The following SKAP1 variants were observed in gnomAD, a reference collection of about 807,000 sequenced individuals.
SKAP1 encodes the protein src kinase associated phosphoprotein 1.
SKAP1 carries 44 observed loss-of-function variants against 58.5 expected under a neutral mutation model. That is an observed-to-expected ratio of 0.75 (90% CI 0.59 to 0.97). The LOEUF (loss-of-function observed/expected upper bound fraction) is 0.97, where lower values mean the gene tolerates loss of function less well. SKAP1 is among the 50% of genes least tolerant of loss of function. The pLI is 0.00. For synonymous variants in SKAP1, 127 were observed against 149.7 expected (o/e 0.85, Z 1.11); for missense variants, 390 against 435.2 (o/e 0.90, Z 0.92).
chr17:48,353,204 G>A (rs983154990), intron 3 of SKAP1, among the ~76,000 whole-genome samples: 3 of 152,036 alleles, frequency 2.0e-5, no homozygotes, highest in African/African-American at 4.8e-5. Flanking sequence ...GCAAAATTTA[G>A]AACAGCCACC....
At chr17:48,232,767 A>G (rs767574827) in intron 4 of SKAP1, among the ~76,000 whole-genome samples, 1 of 152,180 alleles carries the variant, frequency 6.6e-6, no homozygotes, top group South Asian at 2.1e-4. Context: ...GGCTGGCTCA[A>G]TACTGCTGAT....
At chr17:48,268,774 G>A (rs535959792) in intron 4 of SKAP1, among the ~76,000 whole-genome samples, 16 of 152,148 alleles carry the variant, frequency 1.1e-4, no homozygotes, top group Non-Finnish European at 1.9e-4. Flanking sequence ...TCGCAGGTGT[G>A]AGCCACTGTG....
intron 9 of SKAP1, among the ~76,000 whole-genome samples, chr17:48,172,344 T>C (rs2064228704): frequency 6.6e-6 from 1 of 152,178 alleles, no homozygotes; most frequent in African/African-American, 2.4e-5. Flanking sequence ...GTTTATACGG[T>C]CAAAGTCATA....
chr17:48,304,119 TA>T (rs1350364734), intron 4 of SKAP1, among the ~76,000 whole-genome samples: 1 of 152,234 alleles, frequency 6.6e-6, no homozygotes, highest in Non-Finnish European at 1.5e-5. Flanking sequence ...ACATCTAATG[TA>T]ATACCAAAGT....
chr17:48,375,195 T>TG (rs1240949162), intron 2 of SKAP1, among the ~76,000 whole-genome samples: 1 of 152,172 alleles, frequency 6.6e-6, no homozygotes, highest in African/African-American at 2.4e-5. Context: ...CTTGAGTCTA[T>TG]ATTTACAAGC....
chr17:48,358,540 G>A (rs2066903064), intron 3 of SKAP1, among the ~76,000 whole-genome samples: 1 of 152,078 alleles, frequency 6.6e-6, no homozygotes, highest in Non-Finnish European at 1.5e-5. Context: ...AGCCTCTGAA[G>A]TGGCTACCAC....
At chr17:48,252,855 T>C (rs967707416) in intron 4 of SKAP1, among the ~76,000 whole-genome samples, 1 of 152,138 alleles carries the variant, frequency 6.6e-6, no homozygotes, top group Admixed American at 6.5e-5. Flanking sequence ...TTTTCCTAAT[T>C]GCATCAGCTT....
intron 11 of SKAP1, among the ~76,000 whole-genome samples, chr17:48,156,119 G>A (rs1468469831): frequency 6.6e-6 from 1 of 152,210 alleles, no homozygotes; most frequent in Admixed American, 6.5e-5. Context: ...GGACTGAGCA[G>A]CAGCCGGCGT....
intron 4 of SKAP1, among the ~76,000 whole-genome samples, chr17:48,333,968 C>T (rs1482449723): frequency 1.3e-5 from 2 of 151,936 alleles, no homozygotes; most frequent in Non-Finnish European, 2.9e-5. Flanking sequence ...AGCATTTGCA[C>T]ACACAGAGCT....
At chr17:48,134,996 C>A (rs1321561891) in intron 12 of SKAP1, among the ~76,000 whole-genome samples, 1 of 152,198 alleles carries the variant, frequency 6.6e-6, no homozygotes, top group Non-Finnish European at 1.5e-5. Flanking sequence ...AGCCACCATG[C>A]CCGGCTGGCT....
Position 48,367,871 on chromosome 17 carries a change from C to T in SKAP1, c.153-4057G>A, listed in dbSNP as rs182232477. Reference sequence around the variant, plus strand: ...TTGAGGTTGCAGTAAGCTGTGATCACGCCACTGGACTCCAGCTTGGGTAAC... The same window carrying T: ...TTGAGGTTGCAGTAAGCTGTGATCATGCCACTGGACTCCAGCTTGGGTAAC... On this transcript the variant is annotated intron_variant, in intron 2 of 12. Transcript: ENST00000336915. Among the ~76,000 whole-genome samples the T allele has an allele frequency of 5.3e-5, 8 of 149,718 alleles. No homozygotes were observed. The South Asian group carries it at 8.4e-4, about 16-fold the overall frequency.
At chr17:48,423,821 A>G (rs1016185891) in intron 1 of SKAP1, among the ~76,000 whole-genome samples, 8 of 152,112 alleles carry the variant, frequency 5.3e-5, no homozygotes, top group African/African-American at 1.4e-4. Context: ...CAGTGGTGCA[A>G]TCTCACCTCA....
chr17:48,402,333 A>ATTTT (rs71366872), intron 1 of SKAP1, among the ~76,000 whole-genome samples: 2 of 146,928 alleles, frequency 1.4e-5, no homozygotes, highest in African/African-American at 2.5e-5. Flanking sequence ...TCATAGCAGC[A>ATTTT]TTTTTTTTTT....
At chr17:48,378,788 C>A (rs770356519) in intron 2 of SKAP1, among the ~76,000 whole-genome samples, 4 of 152,122 alleles carry the variant, frequency 2.6e-5, no homozygotes, top group Non-Finnish European at 5.9e-5. Context: ...CCTCAAGGGG[C>A]AGTGGCATAG....
At chr17:48,189,398 T>TG (rs752742989) in intron 5 of SKAP1, 25 bp downstream of exon 5, 2 of 1,580,202 alleles carry the variant, frequency 1.3e-6, no homozygotes, top group Non-Finnish European at 1.7e-6. Flanking sequence ...TGGAATGTTC[T>TG]GAAATCTGTG....
At chr17:48,224,927 G>C (rs1030791021) in intron 4 of SKAP1, among the ~76,000 whole-genome samples, 1 of 152,112 alleles carries the variant, frequency 6.6e-6, no homozygotes, top group African/African-American at 2.4e-5. Context: ...GTTTTGCCAA[G>C]TGTACCAGAA....
intron 4 of SKAP1, among the ~76,000 whole-genome samples, chr17:48,334,531 A>G (rs1243709186): frequency 6.6e-6 from 1 of 151,916 alleles, no homozygotes; most frequent in Non-Finnish European, 1.5e-5. Flanking sequence ...AGAATGTTCC[A>G]GAGTTTTTAT....
In SKAP1 at chr17:48,392,962, TCTA is replaced by T. The variant is rs2067368662; in HGVS notation, c.152+3715_152+3717del. 2.0e-5 allele frequency among the ~76,000 whole-genome samples: 3 copies of T among 152,160 alleles called. No homozygotes were observed. The South Asian group carries it at 6.2e-4, about 32-fold the overall frequency. On this transcript the variant is annotated intron_variant, in intron 2 of 12. Coordinates refer to ENST00000336915, the MANE Select transcript of SKAP1 (RefSeq NM_003726.4). ...ACTGAATCAAACATTTAAAAAATGC[TCTA>T]CTGTTTCTCCCAATGCGTTAGAATG... is the stretch of plus-strand genomic sequence containing the variant.
chr17:48,333,582 G>A (rs2066531530), intron 4 of SKAP1, among the ~76,000 whole-genome samples: 1 of 151,952 alleles, frequency 6.6e-6, no homozygotes. Context: ...TTATATTGCT[G>A]GAAAATGTTT....
Sources: gnomAD v4.1 joint callset for allele counts (sites outside exome capture counted in the v4.1 genomes callset) on GRCh38, gnomAD v4.1.1 for gene constraint, MANE v1.5 for transcripts, NCBI Gene and HGNC (gene_info 2026-07-23, HGNC 2026-07-21) for gene names.